ZNF148: variants seen among roughly 807,000 people sequenced by gnomAD.
ZNF148 encodes the protein Beta-Enolase Repressor Factor-1.
Under a neutral mutation model 67.7 loss-of-function variants are expected in ZNF148, and 7 were observed. The observed-to-expected ratio is 0.10, with a 90% CI of 0.06 to 0.19. The LOEUF is 0.19. ZNF148 is among the 10% of genes least tolerant of loss of function. ZNF148 has a pLI of 1.00. For synonymous variants in ZNF148, 333 were observed against 330.7 expected (o/e 1.01, Z -0.08); for missense variants, 583 against 947.1 (o/e 0.62, Z 5.05).
chr3:125,252,005 G>T (rs1197328542), intron 7 of ZNF148, among the ~76,000 whole-genome samples: 3 of 152,116 alleles, frequency 2.0e-5, no homozygotes, highest in African/African-American at 7.2e-5. Flanking sequence ...TGGCCTCAGA[G>T]TACAGTTTTA....
At chr3:125,306,186 C>T (rs1380381684) in intron 4 of ZNF148, among the ~76,000 whole-genome samples, 1 of 152,128 alleles carries the variant, frequency 6.6e-6, no homozygotes, top group Non-Finnish European at 1.5e-5. Flanking sequence ...TTTGGAGCTT[C>T]ACATGTTTAG....
chr3:125,328,287 G>A (rs1167234886), intron 2 of ZNF148, among the ~76,000 whole-genome samples: 1 of 151,950 alleles, frequency 6.6e-6, no homozygotes, highest in Non-Finnish European at 1.5e-5. Flanking sequence ...GCCCACCTCA[G>A]CCATGGAAGA....
chr3:125,258,448 G>A (rs1272054410), intron 7 of ZNF148, among the ~76,000 whole-genome samples: 2 of 115,758 alleles, frequency 1.7e-5, no homozygotes, highest in East Asian at 4.5e-4. Context: ...AAAAAAAAGG[G>A]GGATAGCATC....
intron 1 of ZNF148, among the ~76,000 whole-genome samples, chr3:125,354,798 C>A (rs920923094): frequency 4.6e-5 from 7 of 152,092 alleles, no homozygotes; most frequent in African/African-American, 1.7e-4. Flanking sequence ...TAAAAAGCAG[C>A]CACTGAAAAG....
intron 7 of ZNF148, among the ~76,000 whole-genome samples, chr3:125,273,459 T>C (rs1937868077): frequency 1.3e-5 from 2 of 151,884 alleles, no homozygotes; most frequent in African/African-American, 4.8e-5. Flanking sequence ...TTCTGAGTGA[T>C]TTAGTTTTTT....
intron 3 of ZNF148, among the ~76,000 whole-genome samples, chr3:125,320,459 A>C (rs1940719082): frequency 6.6e-6 from 1 of 152,228 alleles, no homozygotes; most frequent in South Asian, 2.1e-4. Flanking sequence ...AGCATGAAAG[A>C]AATAAATATT....
chr3:125,309,068 GAAC>G (rs1372704088), intron 4 of ZNF148, among the ~76,000 whole-genome samples: 4 of 152,026 alleles, frequency 2.6e-5, no homozygotes, highest in Admixed American at 6.5e-5. Context: ...AAAAATATCA[GAAC>G]AACTGTTGTG....
At chr3:125,256,973 T>TTG (rs1937113333) in intron 7 of ZNF148, among the ~76,000 whole-genome samples, 2 of 147,750 alleles carry the variant, frequency 1.4e-5, no homozygotes, top group African/African-American at 5.0e-5. Flanking sequence ...TCCAGTTTTT[T>TTG]TTTTTTTTTT....
intron 2 of ZNF148, among the ~76,000 whole-genome samples, chr3:125,330,580 C>T (rs2107710962): frequency 6.6e-6 from 1 of 151,356 alleles, no homozygotes; most frequent in African/African-American, 2.4e-5. Flanking sequence ...GTAATCCTAG[C>T]ACTTTGGGAG....
At chr3:125,249,152 T>A (rs1212452521) in intron 7 of ZNF148, among the ~76,000 whole-genome samples, 1 of 152,018 alleles carries the variant, frequency 6.6e-6, no homozygotes, top group Admixed American at 6.6e-5. Context: ...AACAAAACCA[T>A]AAGCAAATAA....
intron 2 of ZNF148, among the ~76,000 whole-genome samples, chr3:125,326,700 G>A (rs1188390950): frequency 6.9e-6 from 1 of 145,498 alleles, no homozygotes; most frequent in African/African-American, 2.5e-5. Context: ...CTTTATATAT[G>A]TATATATATC....
intron 7 of ZNF148, among the ~76,000 whole-genome samples, chr3:125,267,394 C>T (rs776407851): frequency 1.3e-5 from 2 of 151,958 alleles, no homozygotes; most frequent in East Asian, 1.9e-4. Context: ...GCTTTATTCC[C>T]GGGATGCAAT....
At chr3:125,320,715 T>C (rs1424242827) in intron 3 of ZNF148, among the ~76,000 whole-genome samples, 1 of 152,114 alleles carries the variant, frequency 6.6e-6, no homozygotes, top group East Asian at 1.9e-4. Context: ...CAATCTAAAA[T>C]GAAACTTCAC....
At chr3:125,288,631 G>C (rs2107625993) in intron 4 of ZNF148, among the ~76,000 whole-genome samples, 1 of 152,208 alleles carries the variant, frequency 6.6e-6, no homozygotes, top group Non-Finnish European at 1.5e-5. Context: ...GGGAATAAAA[G>C]AGGTATTTAG....
intron 1 of ZNF148, chr3:125,344,268 C>G (rs767807909): frequency 2.0e-5 from 8 of 401,332 alleles, no homozygotes; most frequent in South Asian, 7.7e-5. Context: ...TACCACCAAA[C>G]GACACGAAAG....
intron 4 of ZNF148, among the ~76,000 whole-genome samples, chr3:125,312,999 A>C (rs929754055): frequency 3.9e-5 from 6 of 152,222 alleles, no homozygotes; most frequent in African/African-American, 1.4e-4. Flanking sequence ...TTGAAGATTC[A>C]AATGTTTTAC....
At chr3:125,293,705 CAGAT>C (rs1303366122) in intron 4 of ZNF148, among the ~76,000 whole-genome samples, 1 of 152,040 alleles carries the variant, frequency 6.6e-6, no homozygotes, top group Non-Finnish European at 1.5e-5. Flanking sequence ...TGCATATCCA[CAGAT>C]ACAAAATGAA....
At chr3:125,280,121 T>C (rs1020047720) in intron 5 of ZNF148, among the ~76,000 whole-genome samples, 8 of 152,144 alleles carry the variant, frequency 5.3e-5, no homozygotes, top group African/African-American at 1.9e-4. Context: ...CCTAAGAATA[T>C]TTGTCAAATA....
chr3:125,313,354 G>A lies in ZNF148; in HGVS notation c.287C>T (p.Thr96Ile), dbSNP rs767844708. The A allele has an allele frequency of 6.2e-6, 10 of 1,614,100 alleles. No individual in the cohort carries two copies. The highest frequency in any genetic ancestry group is 8.5e-6 in the Non-Finnish European group (10 of 1,179,980). ...TVKNDEEQME[T>I]HERLPQGLQY... ...TAGTCCTTGAGGAAGTCTTTCATGT[G>A]TTTCCATCTGCTCTTCATCATTTTT... The change falls in exon 4 of 9, where the codon ACA becomes ATA. Residue 96 changes from threonine to isoleucine, a missense_variant. Physicochemically the swap from Thr to Ile is moderately conservative, Grantham distance 89. Transcript: ENST00000360647.
Sources: allele counts gnomAD v4.1 joint callset (sites outside exome capture counted in the v4.1 genomes callset), GRCh38; gene constraint gnomAD v4.1.1; transcripts MANE v1.5; gene names NCBI Gene and HGNC (gene_info 2026-07-23, HGNC 2026-07-21).